The following KIF13A variants were observed in gnomAD, a reference collection of about 807,000 sequenced individuals.
The protein encoded by KIF13A is kinesin family member 13A, also known as kinesin-like protein KIF13A.
In KIF13A, 79 loss-of-function variants were observed where a neutral mutation model predicts 212.2. The observed-to-expected ratio is 0.37, with a 90% CI of 0.31 to 0.45. KIF13A has a LOEUF of 0.45. Ranked by LOEUF, KIF13A falls within the 20% of genes least tolerant of loss-of-function variation. The pLI is 1.00. For synonymous variants in KIF13A, 789 were observed against 808.6 expected (o/e 0.98, Z 0.41); for missense variants, 1,901 against 2,209.0 (o/e 0.86, Z 2.79).
chr6:17,962,167 T>A (rs1778868736), intron 2 of KIF13A, among the ~76,000 whole-genome samples: 1 of 151,782 alleles, frequency 6.6e-6, no homozygotes, highest in Non-Finnish European at 1.5e-5. Context: ...AAAAATTAGC[T>A]GGGCGTGGTG....
At position 17,821,552 on chromosome 6, in the gene KIF13A, GGTGTGTGTGT is replaced by G. The variant is rs111387037; in HGVS notation, c.1786+4206_1786+4215del. The stretch of plus-strand genomic sequence containing the variant: ...TGGGAGGCAAATGGAATTGGGACAT[GGTGTGTGTGT>G]GTGTGTGTGTGTGTGTGTGTGTGTG... On this transcript the variant is annotated intron_variant, in intron 16 of 38. Transcript: ENST00000259711. Among the ~76,000 whole-genome samples, 71 of 112,086 alleles carry G rather than the reference GGTGTGTGTGT, an allele frequency of 6.3e-4. 1 individual carries two copies. Among genetic ancestry groups the G allele is most frequent in the Non-Finnish European group, 1.0e-3 (53 of 51,668 alleles). 73.5% of individuals were successfully genotyped at this position (112,086 alleles called of 152,430 possible). A position where few individuals can be genotyped will look rare whatever the true frequency, so the allele number is the denominator to read the frequency against.
At chr6:17,922,412 T>C (rs766771633) in intron 2 of KIF13A, among the ~76,000 whole-genome samples, 20 of 152,064 alleles carry the variant, frequency 1.3e-4, no homozygotes, top group Non-Finnish European at 2.8e-4. Context: ...CTCCATACAA[T>C]GCAACAGTTT....
At chr6:17,873,812 A>T (rs1156941933) in intron 3 of KIF13A, among the ~76,000 whole-genome samples, 1 of 151,990 alleles carries the variant, frequency 6.6e-6, no homozygotes, top group African/African-American at 2.4e-5. Context: ...CTGGTCTCGA[A>T]CTCCTGGCCT....
Position 17,855,473 on chromosome 6 carries a change from T to C in KIF13A, c.458A>G (p.Tyr153Cys). The C allele has an allele frequency of 2.5e-6, 4 of 1,613,038 alleles. No individual in the cohort carries two copies. Among genetic ancestry groups the C allele is most frequent in the Non-Finnish European group, 3.4e-6 (4 of 1,179,594 alleles). Residue 153 changes from tyrosine to cysteine, a missense_variant, in exon 6 of 39, where the codon TAT (tyrosine) becomes TGT (cysteine). Around this residue, in one of 5 missense-constraint regions of KIF13A, gnomAD observed 506 missense variants for 637.4 expected, o/e 0.79. Transcript: ENST00000259711. The surrounding 1 kb of genome is among the most constrained non-coding windows in gnomAD (Gnocchi z 4.1). The stretch of plus-strand genomic sequence containing the variant: ...TAAAAGATCCCGAACTTTCTCATTA[T>C]AAATTTCCATATAGGACACTTCAAC... ...FKVEVSYMEI[Y>C]NEKVRDLLDP... is the part of the protein sequence containing the mutation.
rs772004378 is a variant in KIF13A, at chr6:17,771,162, A to T, written c.4533T>A (p.Asn1511Lys). The change falls in exon 38 of 39, where the codon AAT becomes AAA. Residue 1511 changes from asparagine (N) to lysine (K), a missense_variant. Transcript: ENST00000259711. The surrounding 1 kb of genome is among the most constrained non-coding windows in gnomAD (Gnocchi z 5.4). ...NPGCIVPSGS[N>K]GSSMPVEHNS... ...TGTGTTCTACTGGCATGCTGCTGCCATTGCTTCCTGAGGGTACAATGCAGC... is the reference window on the plus strand; with the variant it reads ...TGTGTTCTACTGGCATGCTGCTGCCTTTGCTTCCTGAGGGTACAATGCAGC... 1 of 1,613,430 alleles carries T rather than the reference A, an allele frequency of 6.2e-7. No homozygotes were observed. The highest frequency in any genetic ancestry group is 1.1e-5 in the South Asian group (1 of 90,922).
chr6:17,904,515 C>T (rs1363843468), intron 2 of KIF13A, among the ~76,000 whole-genome samples: 1 of 152,088 alleles, frequency 6.6e-6, no homozygotes, highest in Non-Finnish European at 1.5e-5. Context: ...TAAATTGGAC[C>T]TATACTTGGA....
rs1781646435 is a variant in KIF13A at position 17,987,184 on chromosome 6, C to G, written c.56-40G>C. The G allele has an allele frequency of 6.6e-7, 1 of 1,504,554 alleles. No homozygotes were observed. Among genetic ancestry groups the G allele is most frequent in the African/African-American group, 1.4e-5 (1 of 71,272 alleles). 93.2% of individuals were successfully genotyped at this position (1,504,554 alleles called of 1,614,324 possible). On this transcript the variant is annotated intron_variant, in intron 1 of 38. Coordinates refer to ENST00000259711, the MANE Select transcript of KIF13A (RefSeq NM_022113.6). This position sits in a 1 kb window ranked among gnomAD's most constrained non-coding sequence, Gnocchi z 7.7. ...AAAGGGACGTTGCAAAGTCCAGCAT[C>G]CGCGCCTCCAGCCCGCCCGCCCGCC...
chr6:17,933,257 T>G (rs1776160998), intron 2 of KIF13A, among the ~76,000 whole-genome samples: 1 of 152,158 alleles, frequency 6.6e-6, no homozygotes, highest in African/African-American at 2.4e-5. Flanking sequence ...TGGCAATCTC[T>G]CCTCTTAACC....
chr6:17,974,880 G>A (rs1193980123), intron 2 of KIF13A, among the ~76,000 whole-genome samples: 1 of 152,200 alleles, frequency 6.6e-6, no homozygotes, highest in Non-Finnish European at 1.5e-5. Flanking sequence ...ATAACCACAT[G>A]TCAAGTATTC....
chr6:17,977,114 CAA>C (rs398000718), intron 2 of KIF13A, among the ~76,000 whole-genome samples: 4,010 of 106,690 alleles, frequency 0.038, 58 homozygotes, highest in Non-Finnish European at 0.044. Context: ...AAAACAACAA[CAA>C]AAAAAAAAAA....
rs984975465 is a variant in KIF13A at position 17,963,566 on chromosome 6, T to C, written c.146+23488A>G. 6.6e-6 allele frequency among the ~76,000 whole-genome samples: 1 copy of C among 152,254 alleles called. No homozygotes were observed. The highest frequency in any genetic ancestry group is 1.5e-5 in the Non-Finnish European group (1 of 68,036). The stretch of plus-strand genomic sequence containing the variant: ...TGTAGGATAGATTTGTTCTATATCT[T>C]TCTTTTTTTGAGACAGAGTCTTGCT... On this transcript the variant is annotated intron_variant, in intron 2 of 38. Coordinates refer to ENST00000259711, the MANE Select transcript of KIF13A (RefSeq NM_022113.6). This position sits in a 1 kb window ranked among gnomAD's most constrained non-coding sequence, Gnocchi z 4.1.
chr6:17,824,457 A>G (rs1016857641), intron 16 of KIF13A, among the ~76,000 whole-genome samples: 1 of 152,086 alleles, frequency 6.6e-6, no homozygotes, highest in South Asian at 2.1e-4. Flanking sequence ...GAAGAGCTCA[A>G]CTGTGAAAAA....
chr6:17,837,049 T>C lies in KIF13A; in HGVS notation c.984A>G (p.Thr328=). The C allele has an allele frequency of 6.2e-7, 1 of 1,613,966 alleles. No individual in the cohort carries two copies. The highest frequency in any genetic ancestry group is 8.5e-7 in the Non-Finnish European group (1 of 1,179,880). The part of the protein sequence containing the change: ...GGNSQTSMIA[T]ISPAADNYEE... ...CATAGTTGTCTGCGGCTGGGCTGAT[T>C]GTGGCTATCATAGAGGTTTGGCTGT... The change falls in exon 11 of 39, where the codon ACA becomes ACG. Residue 328 remains threonine, a synonymous_variant. Transcript: ENST00000259711. This position sits in a 1 kb window ranked among gnomAD's most constrained non-coding sequence, Gnocchi z 5.4.
rs111666686 is a variant in KIF13A, at chr6:17,782,489, G to A, written c.3544+1157C>T. On this transcript the variant is annotated intron_variant, in intron 29 of 38. Coordinates refer to ENST00000259711, the MANE Select transcript of KIF13A (RefSeq NM_022113.6). ...CGTCTCTATTAAAAATACAAAAATTGGCCAGGCATGGTCGTGGGTGCCTGT... is the reference window on the plus strand; with the variant it reads ...CGTCTCTATTAAAAATACAAAAATTAGCCAGGCATGGTCGTGGGTGCCTGT... Among the ~76,000 whole-genome samples the A allele has an allele frequency of 6.8e-3, 1,035 of 151,758 alleles. 11 individuals are homozygous for A. Among genetic ancestry groups the A allele is most frequent in the African/African-American group, 0.024 (981 of 41,426 alleles).
At chr6:17,790,753 G>A (rs1761461642) in intron 25 of KIF13A, among the ~76,000 whole-genome samples, 2 of 152,132 alleles carry the variant, frequency 1.3e-5, no homozygotes, top group Admixed American at 1.3e-4. Flanking sequence ...GAAAGCTGGG[G>A]CAACCTCAGG....
Position 17,856,186 on chromosome 6 carries a change from T to A in KIF13A, c.221-64A>T, listed in dbSNP as rs964499343. 3 of 1,124,470 alleles carry A rather than the reference T, an allele frequency of 2.7e-6. No homozygotes were observed. In the Admixed American group the frequency reaches 5.8e-5, roughly 22 times the overall value. The allele number at this position is 1,124,470 out of a possible 1,614,324, so 69.7% of individuals were successfully genotyped here. A position where few individuals can be genotyped will look rare whatever the true frequency, so the allele number is the denominator to read the frequency against. On this transcript the variant is annotated intron_variant, in intron 4 of 38. Coordinates refer to ENST00000259711, the MANE Select transcript of KIF13A (RefSeq NM_022113.6). This position sits in a 1 kb window ranked among gnomAD's most constrained non-coding sequence, Gnocchi z 4.5. ...ATAATTTTTCTTGACATATTTGTGT[T>A]AGTAACAATATTATGTCAATTCAAA...
intron 2 of KIF13A, among the ~76,000 whole-genome samples, chr6:17,979,505 G>A (rs1303033984): frequency 6.6e-6 from 1 of 152,156 alleles, no homozygotes; most frequent in Non-Finnish European, 1.5e-5. Context: ...TTTACAAAAT[G>A]CTTTTGGTGT....
chr6:17,792,079 C>T (rs1369721658), intron 25 of KIF13A, among the ~76,000 whole-genome samples: 1 of 148,660 alleles, frequency 6.7e-6, no homozygotes, highest in East Asian at 2.0e-4. Context: ...GGCAGGTGCC[C>T]GTAATCCCAG....
intron 2 of KIF13A, among the ~76,000 whole-genome samples, chr6:17,917,659 C>G (rs759756895): frequency 5.3e-5 from 8 of 152,176 alleles, no homozygotes; most frequent in Non-Finnish European, 1.0e-4. Context: ...AAAGGCAAAA[C>G]TAGGATTAAA....
Sources: gnomAD v4.1 joint callset for allele counts (sites outside exome capture counted in the v4.1 genomes callset) on GRCh38, gnomAD v4.1.1 for gene constraint, gnomAD v4.1.1 regional missense constraint, Gnocchi (gnomAD v3.1) non-coding constraint, MANE v1.5 for transcripts, NCBI Gene and HGNC (gene_info 2026-07-23, HGNC 2026-07-21) for gene names.